Variants in APBA2 observed in about 807,000 individuals in gnomAD.
APBA2 encodes the protein amyloid-beta A4 precursor protein-binding family A member 2.
Under a neutral mutation model 75.0 loss-of-function variants are expected in APBA2, and 30 were observed. The ratio of observed to expected loss-of-function variants is 0.40; its 90% confidence interval spans 0.30 to 0.54. The LOEUF (loss-of-function observed/expected upper bound fraction) is 0.54, where lower values mean the gene tolerates loss of function less well. Among genes scored for constraint, APBA2 ranks in the 20% least tolerant of loss-of-function variants. APBA2 has a pLI of 0.49. For missense variants in APBA2, 801 were observed against 1,016.1 expected (o/e 0.79, Z 2.88); for synonymous variants, 444 against 409.6 (o/e 1.08, Z -1.01).
chr15:29,076,531 G>C (rs966175080), intron 6 of APBA2, among the ~76,000 whole-genome samples: 2 of 150,326 alleles, frequency 1.3e-5, no homozygotes, highest in Non-Finnish European at 2.9e-5. Flanking sequence ...TCAACATTCA[G>C]TAAAGAATGA....
At chr15:28,959,856 C>A (rs1178476171) in intron 2 of APBA2, among the ~76,000 whole-genome samples, 1 of 152,150 alleles carries the variant, frequency 6.6e-6, no homozygotes, top group African/African-American at 2.4e-5. Flanking sequence ...GTTAACAACA[C>A]TTTGAGGCTG....
At chr15:28,948,547 C>T (rs562660770) in intron 2 of APBA2, among the ~76,000 whole-genome samples, 5 of 152,258 alleles carry the variant, frequency 3.3e-5, no homozygotes, top group East Asian at 1.9e-4. Context: ...GTTTTGTCCC[C>T]GCAGCTTCAC....
At chr15:28,973,336 A>G (rs2152755626) in intron 2 of APBA2, among the ~76,000 whole-genome samples, 1 of 152,332 alleles carries the variant, frequency 6.6e-6, no homozygotes, top group South Asian at 2.1e-4. Context: ...GATTGGTGCA[A>G]CTTGTAGTTG....
chr15:28,887,945 G>C (rs2031866206), intron 1 of APBA2, among the ~76,000 whole-genome samples: 1 of 152,138 alleles, frequency 6.6e-6, no homozygotes, highest in Non-Finnish European at 1.5e-5. Flanking sequence ...CCTGGGATGG[G>C]AGGAGCTGCA....
At chr15:29,008,158 C>G (rs1259810552) in intron 3 of APBA2, among the ~76,000 whole-genome samples, 1 of 152,082 alleles carries the variant, frequency 6.6e-6, no homozygotes, top group African/African-American at 2.4e-5. Flanking sequence ...CTGTGTGGTT[C>G]CACTGACATG....
rs1299816890 is a variant in APBA2, at chr15:28,963,698, T to G, written c.-94-32055T>G. ...GGGGGAGTTGATATACTCTTGTTTT[T>G]TACTTTTTATTTTGAAATATTTTTA... On this transcript the variant is annotated intron_variant, in intron 2 of 14. Transcript: ENST00000683413. Among the ~76,000 whole-genome samples, 3 of 152,242 alleles carry G rather than the reference T, an allele frequency of 2.0e-5. No homozygotes were observed. The East Asian group carries it at 5.8e-4, about 29-fold the overall frequency.
intron 6 of APBA2, among the ~76,000 whole-genome samples, chr15:29,088,835 C>T (rs1262412754): frequency 2.0e-5 from 3 of 152,174 alleles, no homozygotes; most frequent in African/African-American, 7.2e-5. Context: ...CGACTTGTCT[C>T]AGCTGCTGGC....
chr15:29,109,923 T>C (rs2044638953), intron 13 of APBA2, among the ~76,000 whole-genome samples: 2 of 151,680 alleles, frequency 1.3e-5, no homozygotes, highest in Middle Eastern at 3.4e-3. Flanking sequence ...CCAGGACGAG[T>C]TGTCTGCACC....
At chr15:28,990,299 A>G (rs1025316369) in intron 2 of APBA2, 3 of 151,260 alleles carry the variant, frequency 2.0e-5, no homozygotes, top group South Asian at 2.1e-4. Context: ...AATCCCAGCT[A>G]CTCGGGAGGC....
chr15:29,117,557 G>A lies in APBA2; in HGVS notation c.*424G>A. 1 of 222,952 alleles carries A rather than the reference G, an allele frequency of 4.5e-6. No homozygotes were observed. Among genetic ancestry groups the A allele is most frequent in the South Asian group, 6.9e-5 (1 of 14,582 alleles). The allele number at this position is 222,952 out of a possible 1,614,324, so 13.8% of individuals were successfully genotyped here. On this transcript the variant is annotated 3_prime_UTR_variant, in exon 15 of 15. Coordinates refer to ENST00000683413, the MANE Select transcript of APBA2 (RefSeq NM_001353788.2). ...CCGCCCCCTTGGCTGGGACGTCTGG[G>A]GTCCTGTGGGGCCCCCACAATGGTC...
rs540227129 is a variant in APBA2, at chr15:29,057,050, G to A, written c.951+2215G>A. Among the ~76,000 whole-genome samples the A allele has an allele frequency of 3.8e-4, 58 of 152,284 alleles. 2 individuals carry two copies. The South Asian group carries it at 0.012, about 32-fold the overall frequency. ...GCCAACAAAGGCCTGGCCTCAAGCA[G>A]GTGCACAGGGTGCCATGTGTCCCAT... On this transcript the variant is annotated intron_variant, in intron 4 of 14. Coordinates refer to ENST00000683413, the MANE Select transcript of APBA2 (RefSeq NM_001353788.2).
chr15:28,950,809 C>T (rs2035825731), intron 2 of APBA2, among the ~76,000 whole-genome samples: 1 of 152,084 alleles, frequency 6.6e-6, no homozygotes, highest in African/African-American at 2.4e-5. Flanking sequence ...CTTATCTATT[C>T]TCCCCCATTT....
At chr15:28,964,435 A>G (rs2036630582) in intron 2 of APBA2, among the ~76,000 whole-genome samples, 1 of 148,670 alleles carries the variant, frequency 6.7e-6, no homozygotes, top group South Asian at 2.1e-4. Flanking sequence ...TCATATGATT[A>G]TTTGCCATCT....
chr15:28,949,986 A>G (rs1436059240), intron 2 of APBA2, among the ~76,000 whole-genome samples: 9 of 152,038 alleles, frequency 5.9e-5, no homozygotes, highest in African/African-American at 2.2e-4. Context: ...GTTTTTGCTT[A>G]ATGTTTTTTT....
intron 2 of APBA2, among the ~76,000 whole-genome samples, chr15:28,989,249 G>A (rs59911516): frequency 0.29 from 43,402 of 151,960 alleles, 10,098 homozygotes; most frequent in African/African-American, 0.62. Flanking sequence ...GTGGATTCTG[G>A]GGCCACATTG....
At chr15:28,933,247 T>C (rs952583334) in intron 2 of APBA2, among the ~76,000 whole-genome samples, 47 of 152,270 alleles carry the variant, frequency 3.1e-4, no homozygotes, top group Admixed American at 7.8e-4. Context: ...ATTCCAACTA[T>C]AGCAGTGGGT....
chr15:28,978,766 T>C (rs2037471675), intron 2 of APBA2, among the ~76,000 whole-genome samples: 1 of 152,242 alleles, frequency 6.6e-6, no homozygotes, highest in African/African-American at 2.4e-5. Flanking sequence ...TCTCCAGGAC[T>C]GCAGGAGGGT....
Position 28,988,857 on chromosome 15 carries a change from G to C in APBA2, c.-94-6896G>C, listed in dbSNP as rs574785101. Among the ~76,000 whole-genome samples, 3 of 152,178 alleles carry C rather than the reference G, an allele frequency of 2.0e-5. No individual in the cohort carries two copies. In the South Asian group the frequency reaches 6.2e-4, roughly 32 times the overall value. On this transcript the variant is annotated intron_variant, in intron 2 of 14. Coordinates refer to ENST00000683413, the MANE Select transcript of APBA2 (RefSeq NM_001353788.2). ...AGTACAGTAATCTTCAAACGTACTA[G>C]AAACAGCTAAATTTTATTCCAAAGT...
chr15:28,984,865 C>G (rs1487790478), intron 2 of APBA2, among the ~76,000 whole-genome samples: 1 of 148,804 alleles, frequency 6.7e-6, no homozygotes, highest in Non-Finnish European at 1.5e-5. Flanking sequence ...CTCTCTCTCT[C>G]TCTCTCTCTC....
Sources: gnomAD v4.1 joint callset for allele counts (sites outside exome capture counted in the v4.1 genomes callset) on GRCh38, gnomAD v4.1.1 for gene constraint, MANE v1.5 for transcripts, NCBI Gene and HGNC (gene_info 2026-07-23, HGNC 2026-07-21) for gene names.